Variants in ZNF860 observed in about 807,000 individuals in gnomAD.
ZNF860 encodes zinc finger protein 860.
For synonymous variants in ZNF860, 206 were observed against 248.9 expected, an observed-to-expected ratio of 0.83 and a Z score of 1.62; for missense variants, 641 against 759.2, an observed-to-expected ratio of 0.84 and a Z score of 1.83.
At chr3:32,001,814 C>G in the ZNF860 span, among the ~76,000 whole-genome samples, 1 of 151,946 alleles carries the variant, frequency 6.6e-6, no homozygotes, top group Middle Eastern at 3.2e-3. Flanking sequence ...CCCAGAGGGT[C>G]CCCAGGACAA....
the ZNF860 span, among the ~76,000 whole-genome samples, chr3:31,999,915 C>T: frequency 7.9e-5 from 12 of 152,150 alleles, no homozygotes; most frequent in Non-Finnish European, 1.0e-4. Context: ...TTCCCTTGCC[C>T]TTAGGTCAGG....
At chr3:31,992,967 C>T (rs950780421), downstream of ZNF860, among the ~76,000 whole-genome samples, 53 of 152,116 alleles carry the variant, frequency 3.5e-4, no homozygotes, top group Non-Finnish European at 2.9e-5. Flanking sequence ...CATGCCACTG[C>T]ACTCCAGCCC....
chr3:32,005,381 T>C, the ZNF860 span, among the ~76,000 whole-genome samples: 1 of 152,124 alleles, frequency 6.6e-6, no homozygotes, highest in Admixed American at 6.6e-5. Context: ...ATGCCTCCAA[T>C]TGTCCTACTA....
At chr3:32,002,601 G>C in the ZNF860 span, among the ~76,000 whole-genome samples, 1 of 141,858 alleles carries the variant, frequency 7.0e-6, no homozygotes, top group Non-Finnish European at 1.6e-5. Flanking sequence ...TTGAATCAAG[G>C]CTTCTTCTCT....
At chr3:31,987,047 T>A (rs1360620836) in intron 1 of ZNF860, among the ~76,000 whole-genome samples, 1 of 152,066 alleles carries the variant, frequency 6.6e-6, no homozygotes, top group Non-Finnish European at 1.5e-5. Context: ...AAACCACTGC[T>A]AATAATTTAT....
the ZNF860 span, among the ~76,000 whole-genome samples, chr3:31,999,169 G>A: frequency 2.0e-5 from 3 of 152,150 alleles, no homozygotes; most frequent in East Asian, 5.8e-4. Flanking sequence ...ACTCCAGACT[G>A]CACAAGAGCT....
chr3:31,994,646 T>G (rs1000156100), downstream of ZNF860, among the ~76,000 whole-genome samples: 1 of 152,210 alleles, frequency 6.6e-6, no homozygotes, highest in Non-Finnish European at 1.5e-5. Context: ...GTGACAGTAA[T>G]GTGAGCATTT....
chr3:32,000,011 G>A, the ZNF860 span, among the ~76,000 whole-genome samples: 1 of 152,226 alleles, frequency 6.6e-6, no homozygotes, highest in East Asian at 1.9e-4. Context: ...ATAACAGGGA[G>A]ATGATCTTTG....
At chr3:31,999,887 C>T in the ZNF860 span, among the ~76,000 whole-genome samples, 1 of 152,124 alleles carries the variant, frequency 6.6e-6, no homozygotes, top group Non-Finnish European at 1.5e-5. Context: ...AAAACCGAAC[C>T]TTAAAAAGGT....
chr3:31,990,669 A>T lies in ZNF860; in HGVS notation c.1590A>T (p.Arg530Ser), dbSNP rs1484932232. 5.6e-6 allele frequency: 9 copies of T among 1,614,208 alleles called. No individual in the cohort carries two copies. Among genetic ancestry groups the T allele is most frequent in the Non-Finnish European group, 7.6e-6 (9 of 1,180,024 alleles). The change falls in exon 2 of 2, where the codon AGA becomes AGT. Residue 530 changes from arginine (R) to serine (S), a missense_variant. Coordinates refer to ENST00000360311, the MANE Select transcript of ZNF860 (RefSeq NM_001137674.3). Reference protein sequence around the residue: ...NQQATLARHHRLHTGEKPYKC... With the variant: ...NQQATLARHHSLHTGEKPYKC... ...AAGCAACCCTTGCACGTCATCATAG[A>T]CTTCATACTGGAGAGAAACCTTACA... is the stretch of plus-strand genomic sequence containing the variant.
downstream of ZNF860, among the ~76,000 whole-genome samples, chr3:31,995,919 C>A (rs1480905300): frequency 6.6e-6 from 1 of 152,106 alleles, no homozygotes; most frequent in Non-Finnish European, 1.5e-5. Context: ...TGACATCTCC[C>A]CTTCCTGATT....
chr3:31,996,043 T>C (rs1330060555), downstream of ZNF860, among the ~76,000 whole-genome samples: 1 of 152,184 alleles, frequency 6.6e-6, no homozygotes, highest in Non-Finnish European at 1.5e-5. Context: ...AGGGTCACAC[T>C]GTGAGCTGGA....
At chr3:32,002,349 T>C in the ZNF860 span, among the ~76,000 whole-genome samples, 1 of 152,080 alleles carries the variant, frequency 6.6e-6, no homozygotes, top group African/African-American at 2.4e-5. Context: ...AACCATAGGG[T>C]ATCTCCCCAA....
At chr3:31,992,449 T>A (rs1699044389), downstream of ZNF860, among the ~76,000 whole-genome samples, 1 of 152,202 alleles carries the variant, frequency 6.6e-6, no homozygotes, top group South Asian at 2.1e-4. Context: ...AGAGCCATGT[T>A]GATTCTGGAG....
Position 31,989,012 on chromosome 3 carries a change from A to G in ZNF860, c.-68A>G, listed in dbSNP as rs528676121. ...ATTTGTTTCTCGGAAACAGATAACT[A>G]ATACAGAGCAGGAAGCAGATCGCCT... On this transcript the variant is annotated 5_prime_UTR_variant, in exon 2 of 2. Coordinates refer to ENST00000360311, the MANE Select transcript of ZNF860 (RefSeq NM_001137674.3). 1 of 1,582,974 alleles carries G rather than the reference A, an allele frequency of 6.3e-7. No homozygotes were observed. The highest frequency in any genetic ancestry group is 8.6e-7 in the Non-Finnish European group (1 of 1,161,322).
At chr3:31,982,852 G>A (rs535588240) in intron 1 of ZNF860, among the ~76,000 whole-genome samples, 1 of 152,344 alleles carries the variant, frequency 6.6e-6, no homozygotes, top group East Asian at 1.9e-4. Context: ...CCTATGGAAA[G>A]AGTATCCTTC....
the ZNF860 span, among the ~76,000 whole-genome samples, chr3:32,002,234 G>A: frequency 6.6e-6 from 1 of 152,074 alleles, no homozygotes; most frequent in Non-Finnish European, 1.5e-5. Context: ...ATGATGAATT[G>A]CTGTCCACTC....
At chr3:31,986,616 GA>G (rs1698937436) in intron 1 of ZNF860, among the ~76,000 whole-genome samples, 1 of 151,972 alleles carries the variant, frequency 6.6e-6, no homozygotes, top group Non-Finnish European at 1.5e-5. Flanking sequence ...TTTTTTATAC[GA>G]AAAAATACAA....
At chr3:31,987,363 A>T (rs896242684) in intron 1 of ZNF860, among the ~76,000 whole-genome samples, 1 of 152,202 alleles carries the variant, frequency 6.6e-6, no homozygotes, top group Non-Finnish European at 1.5e-5. Context: ...TCCACTACTG[A>T]TGAACACTCA....
Sources: gnomAD v4.1 joint callset for allele counts (sites outside exome capture counted in the v4.1 genomes callset) on GRCh38, gnomAD v4.1.1 for gene constraint, MANE v1.5 for transcripts, NCBI Gene and HGNC (gene_info 2026-07-23, HGNC 2026-07-21) for gene names.